The following ZW10 variants were observed in gnomAD, a reference collection of about 807,000 sequenced individuals.
The protein encoded by ZW10 is zw10 kinetochore protein, also known as centromere/kinetochore protein zw10 homolog.
In ZW10, 53 loss-of-function variants were observed where a neutral mutation model predicts 87.8. That is an observed-to-expected ratio of 0.60 (90% CI 0.48 to 0.76). The LOEUF is 0.76. Ranked by LOEUF, ZW10 falls within the 30% of genes least tolerant of loss-of-function variation. ZW10 has a pLI of 0.00. For synonymous variants in ZW10, 312 were observed against 329.2 expected (o/e 0.95, Z 0.57); for missense variants, 837 against 923.0 (o/e 0.91, Z 1.21).
intron 9 of ZW10, among the ~76,000 whole-genome samples, chr11:113,744,391 C>A (rs7930141): frequency 0.73 from 110,369 of 151,746 alleles, 41,099 homozygotes; most frequent in East Asian, 0.83. Context: ...CGACAGAGCA[C>A]GACTCCGTCT....
intron 11 of ZW10, 54 bp downstream of exon 11, chr11:113,741,640 T>C: frequency 8.2e-7 from 1 of 1,218,328 alleles, no homozygotes; most frequent in Non-Finnish European, 1.1e-6. Flanking sequence ...TAACTTAACT[T>C]CCACATCTTA....
In ZW10 at chr11:113,760,502, G is replaced by C. The variant is rs776121045; in HGVS notation, c.420+11C>G. 1.4e-5 allele frequency: 23 copies of C among 1,611,750 alleles called. 1 individual carries two copies. The South Asian group carries it at 2.5e-4, about 18-fold the overall frequency. On this transcript the variant is annotated intron_variant, in intron 4 of 15. Transcript: ENST00000200135. ...ACTTATTGCGCATGCTTTGGGGAGA[G>C]CATTTAGTACCTCTTCCAGACGCTG... is the stretch of plus-strand genomic sequence containing the variant.
At chr11:113,760,795 G>A in intron 3 of ZW10, 22 bp downstream of exon 3, 1 of 1,603,572 alleles carries the variant, frequency 6.2e-7, no homozygotes, top group Non-Finnish European at 8.5e-7. Context: ...AAAACACTAA[G>A]GTTCAAGTTG....
In ZW10 at chr11:113,773,555, C is replaced by G; in HGVS notation, c.105+7G>C. 1 of 1,611,632 alleles carries G rather than the reference C, an allele frequency of 6.2e-7. No individual in the cohort carries two copies. Among genetic ancestry groups the G allele is most frequent in the Middle Eastern group, 1.7e-4 (1 of 6,056 alleles). ...TTCCAGTCAGCAGACAGCTGCCCCG[C>G]TCTCACCTTGATCTCCTCCACCCGC... On this transcript the variant is annotated splice_region_variant and intron_variant, in intron 1 of 15. Transcript: ENST00000200135.
Position 113,747,716 on chromosome 11 carries a change from G to A in ZW10, c.1090-3C>T. The A allele has an allele frequency of 1.3e-6, 2 of 1,575,056 alleles. No individual in the cohort carries two copies. The highest frequency in any genetic ancestry group is 1.7e-6 in the Non-Finnish European group (2 of 1,160,950). On this transcript the variant is annotated splice_polypyrimidine_tract_variant and splice_region_variant and intron_variant, in intron 8 of 15. Transcript: ENST00000200135. ...AATTCTTCAGTGGACTGTATGATCT[G>A]AGATACAAAAGAAAAAAAAGAAAAG... is the stretch of plus-strand genomic sequence containing the variant.
At chr11:113,737,464 G>A in intron 14 of ZW10, 108 bp downstream of exon 14, 2 of 1,133,148 alleles carry the variant, frequency 1.8e-6, no homozygotes, top group Non-Finnish European at 1.2e-6. Context: ...AACAGCATGA[G>A]TTAGACATGA....
At chr11:113,754,149 G>A (rs1953759674) in intron 7 of ZW10, among the ~76,000 whole-genome samples, 1 of 152,158 alleles carries the variant, frequency 6.6e-6, no homozygotes, top group African/African-American at 2.4e-5. Context: ...TAATGCTGCT[G>A]GTGACTTTAA....
chr11:113,764,936 T>C (rs1258253244), intron 2 of ZW10, among the ~76,000 whole-genome samples: 1 of 152,232 alleles, frequency 6.6e-6, no homozygotes, highest in African/African-American at 2.4e-5. Flanking sequence ...TTCTTCCTGA[T>C]TGTCTTACTC....
intron 2 of ZW10, among the ~76,000 whole-genome samples, chr11:113,765,614 ACT>A (rs1565288440): frequency 1.3e-5 from 2 of 152,116 alleles, no homozygotes; most frequent in Non-Finnish European, 2.9e-5. Context: ...TCACTCAGTG[ACT>A]CTCAGTAAAA....
intron 9 of ZW10, among the ~76,000 whole-genome samples, chr11:113,745,640 T>C (rs1218399721): frequency 2.6e-5 from 4 of 152,176 alleles, no homozygotes; most frequent in Non-Finnish European, 5.9e-5. Context: ...TGGGCCTGGA[T>C]ACATAAGATT....
chr11:113,747,857 C>T (rs1953697238), intron 8 of ZW10, 144 bp from the exon 9 acceptor site: 2 of 553,176 alleles, frequency 3.6e-6, no homozygotes, highest in Non-Finnish European at 6.0e-6. Context: ...TAAAAATATA[C>T]ATATTTCCAG....
Position 113,736,767 on chromosome 11 carries a change from T to A in ZW10, c.2072A>T (p.Asp691Val). Residue 691 changes from aspartate (D) to valine (V), a missense_variant, in exon 15 of 16, where the codon GAT becomes GTT. Transcript: ENST00000200135. Reference protein sequence around the residue: ...RLYSLCKTVMDEGPQVFAPLS... With the variant: ...RLYSLCKTVMVEGPQVFAPLS... ...AGGTGCAAATACTTGGGGTCCTTCA[T>A]CCATCACTGTTTTGCATAAGGAATA... is the stretch of plus-strand genomic sequence containing the variant. 6.2e-7 allele frequency: 1 copy of A among 1,614,182 alleles called. No homozygotes were observed. The highest frequency in any genetic ancestry group is 1.1e-5 in the South Asian group (1 of 91,074).
chr11:113,768,900 C>T lies in ZW10; in HGVS notation c.173G>A (p.Gly58Asp). 3 of 1,614,128 alleles carry T rather than the reference C, an allele frequency of 1.9e-6. No homozygotes were observed. Among genetic ancestry groups the T allele is most frequent in the Non-Finnish European group, 2.5e-6 (3 of 1,179,990 alleles). ...TAGCTTATCCACCTGGGTAATCAGGCCCTGCGCGCTCTGCATGCTAGGCAG... is the reference window on the plus strand; with the variant it reads ...TAGCTTATCCACCTGGGTAATCAGGTCCTGCGCGCTCTGCATGCTAGGCAG... ...EFLPSMQSAQ[G>D]LITQVDKLSE... Residue 58 changes from glycine to aspartate, a missense_variant, in exon 2 of 16, where the codon GGC (glycine) becomes GAC (aspartate). Coordinates refer to ENST00000200135, the MANE Select transcript of ZW10 (RefSeq NM_004724.4).
chr11:113,770,577 G>A (rs981841130), intron 1 of ZW10: 1 of 151,704 alleles, frequency 6.6e-6, no homozygotes, highest in Non-Finnish European at 1.5e-5. Flanking sequence ...AGCACTTTGG[G>A]AAGCCAAGGC....
In ZW10 at chr11:113,755,044, C is replaced by T. The variant is rs371847381; in HGVS notation, c.925+2618G>A. ...ACTGCTTACTGGCAATGCACCTGGA[C>T]GCCCAAGAACTCTGATGGAGATAAA... On this transcript the variant is annotated intron_variant, in intron 7 of 15. Transcript: ENST00000200135. Among the ~76,000 whole-genome samples, 31 of 152,290 alleles carry T rather than the reference C, an allele frequency of 2.0e-4. No individual in the cohort carries two copies. In the East Asian group the frequency reaches 3.3e-3, roughly 16 times the overall value.
chr11:113,763,870 C>A (rs575588210), intron 2 of ZW10, among the ~76,000 whole-genome samples: 1 of 152,224 alleles, frequency 6.6e-6, no homozygotes, highest in Admixed American at 6.5e-5. Flanking sequence ...TTAATTAGAT[C>A]CCATTTGTCA....
chr11:113,738,517 T>G, intron 12 of ZW10, 123 bp from the exon 13 acceptor site: 8 of 926,408 alleles, frequency 8.6e-6, no homozygotes, highest in Non-Finnish European at 1.2e-5. Context: ...AATTGCTAGA[T>G]AATATCATAA....
intron 7 of ZW10, among the ~76,000 whole-genome samples, chr11:113,753,355 C>T (rs1275086995): frequency 6.6e-6 from 1 of 152,154 alleles, no homozygotes; most frequent in African/African-American, 2.4e-5. Context: ...TTAGTGAACA[C>T]ATGGATTATA....
chr11:113,773,649 T>C lies in ZW10; in HGVS notation c.18A>G (p.Thr6=). The change falls in exon 1 of 16, where the codon ACA becomes ACG. Residue 6 remains threonine (T), a synonymous_variant. Coordinates refer to ENST00000200135, the MANE Select transcript of ZW10 (RefSeq NM_004724.4). The part of the protein sequence containing the change: MASFV[T]EVLAHSGRLE... ...GCCTCCCGGAGTGTGCCAAAACTTCTGTCACGAACGAGGCCATGGCCAAGA... is the reference window on the plus strand; with the variant it reads ...GCCTCCCGGAGTGTGCCAAAACTTCCGTCACGAACGAGGCCATGGCCAAGA... 6.2e-7 allele frequency: 1 copy of C among 1,613,456 alleles called. No individual in the cohort carries two copies. Among genetic ancestry groups the C allele is most frequent in the South Asian group, 1.1e-5 (1 of 91,030 alleles).
Sources: gnomAD v4.1 joint callset for allele counts (sites outside exome capture counted in the v4.1 genomes callset) on GRCh38, gnomAD v4.1.1 for gene constraint, MANE v1.5 for transcripts, NCBI Gene and HGNC (gene_info 2026-07-23, HGNC 2026-07-21) for gene names.